NRK: variants seen among roughly 807,000 people sequenced by gnomAD.
NRK encodes the protein Nik related kinase.
Under a neutral mutation model 125.2 loss-of-function variants are expected in NRK, and 67 were observed. The observed-to-expected ratio is 0.54, with a 90% CI of 0.44 to 0.66. NRK has a LOEUF of 0.66. Among genes scored for constraint, NRK ranks in the 30% least tolerant of loss-of-function variants. The pLI is 0.00. For missense variants in NRK, 1,224 were observed against 1,192.9 expected (o/e 1.03, Z -0.38); for synonymous variants, 458 against 429.0 (o/e 1.07, Z -0.84).
At chrX:105,847,042 T>TGA (rs1289313123) in intron 2 of NRK, among the ~76,000 whole-genome samples, 4 of 112,052 alleles carry the variant, frequency 3.6e-5, no homozygotes, top group Non-Finnish European at 7.5e-5. Context: ...AGGTCTGTAA[T>TGA]GAGATATCCC....
chrX:105,836,366 A>G (rs1326825586), intron 2 of NRK, among the ~76,000 whole-genome samples: 1 of 111,884 alleles, frequency 8.9e-6, no homozygotes, highest in Non-Finnish European at 1.9e-5. Context: ...AGATCCAGAG[A>G]TAGAGAACAA....
chrX:105,910,308 C>T (rs2040282093), intron 13 of NRK, among the ~76,000 whole-genome samples: 1 of 111,934 alleles, frequency 8.9e-6, no homozygotes, highest in East Asian at 2.8e-4. Flanking sequence ...CAATAGAATG[C>T]CAAACTATAC....
intron 2 of NRK, 93 bp downstream of exon 2, chrX:105,831,212 T>C (rs1016869758): frequency 1.1e-5 from 6 of 552,610 alleles, no homozygotes; most frequent in African/African-American, 9.2e-5. Context: ...TGCCAAAATA[T>C]GGCATTTCAC....
intron 19 of NRK, among the ~76,000 whole-genome samples, chrX:105,928,086 T>C (rs1341462341): frequency 9.0e-6 from 1 of 111,525 alleles, no homozygotes; most frequent in African/African-American, 3.3e-5. Flanking sequence ...TCTTTAAATC[T>C]TTGGTAGAAT....
intron 15 of NRK, 22 bp downstream of exon 15, chrX:105,915,819 A>T: frequency 1.2e-6 from 1 of 837,644 alleles, no homozygotes; most frequent in Non-Finnish European, 1.8e-6. Context: ...TGATTTCTAT[A>T]TTAAAATTAT....
At chrX:105,831,920 A>G (rs1165908658) in intron 2 of NRK, among the ~76,000 whole-genome samples, 4 of 112,187 alleles carry the variant, frequency 3.6e-5, no homozygotes, top group African/African-American at 9.7e-5. Context: ...AACTATTTAT[A>G]TAGCATTTAC....
intron 7 of NRK, among the ~76,000 whole-genome samples, chrX:105,898,264 C>G (rs992253210): frequency 5.4e-5 from 6 of 111,672 alleles, no homozygotes; most frequent in African/African-American, 2.0e-4. Context: ...GCTTGGTTCC[C>G]AGGTCCAAAC....
At chrX:105,907,650 T>G (rs1355096822) in intron 11 of NRK, 2 of 112,289 alleles carry the variant, frequency 1.8e-5, no homozygotes, top group Non-Finnish European at 3.8e-5. Context: ...GTAGGAAAAG[T>G]TCCATTTATA....
At chrX:105,898,166 C>G (rs1171936247) in intron 7 of NRK, among the ~76,000 whole-genome samples, 3 of 111,716 alleles carry the variant, frequency 2.7e-5, no homozygotes, top group Non-Finnish European at 5.6e-5. Flanking sequence ...GTGATAGAGC[C>G]TTCTCATATC....
chrX:105,840,346 C>G (rs769396541), intron 2 of NRK, among the ~76,000 whole-genome samples: 1 of 111,624 alleles, frequency 9.0e-6, no homozygotes, highest in African/African-American at 3.2e-5. Flanking sequence ...GGAAGTAATT[C>G]AAATTATGTA....
At chrX:105,902,364 T>A (rs928079133) in intron 9 of NRK, among the ~76,000 whole-genome samples, 4 of 111,603 alleles carry the variant, frequency 3.6e-5, no homozygotes, top group African/African-American at 1.3e-4. Flanking sequence ...ACATTTCTCT[T>A]TTACCGGTGT....
At chrX:105,933,160 A>ATGTC (rs1357174254) in intron 19 of NRK, among the ~76,000 whole-genome samples, 2 of 92,930 alleles carry the variant, frequency 2.2e-5, no homozygotes, top group Admixed American at 1.3e-4. Flanking sequence ...GAAAATATCT[A>ATGTC]TGTCTGTCTA....
intron 1 of NRK, among the ~76,000 whole-genome samples, chrX:105,828,778 G>A (rs1312788571): frequency 9.0e-6 from 1 of 111,480 alleles, no homozygotes; most frequent in Non-Finnish European, 1.9e-5. Flanking sequence ...ATCTTTCAAT[G>A]AGTTATAACA....
chrX:105,823,070 G>T (rs772062740), intron 1 of NRK, among the ~76,000 whole-genome samples, 168 bp downstream of exon 1: 3 of 113,250 alleles, frequency 2.6e-5, no homozygotes, highest in African/African-American at 9.6e-5. Flanking sequence ...GCGCCCCCTG[G>T]GCACCGGGAC....
chrX:105,955,685 C>G lies in NRK; in HGVS notation c.*85C>G. 1 of 491,935 alleles carries G rather than the reference C, an allele frequency of 2.0e-6. No individual in the cohort carries two copies. Among genetic ancestry groups the G allele is most frequent in the South Asian group, 3.5e-5 (1 of 28,888 alleles). 40.5% of individuals were successfully genotyped at this position (491,935 alleles called of 1,213,427 possible). The stretch of plus-strand genomic sequence containing the variant: ...AGATTTCAGAGATTAAATGAGTATT[C>G]AGTTTTATTTTTAGTAAAGATTAAA... On this transcript the variant is annotated 3_prime_UTR_variant, in exon 29 of 29. Transcript: ENST00000243300.
intron 14 of NRK, among the ~76,000 whole-genome samples, chrX:105,915,166 A>T (rs2147756178): frequency 9.0e-6 from 1 of 110,744 alleles, no homozygotes; most frequent in Admixed American, 9.8e-5. Flanking sequence ...ATTGTAAAGC[A>T]GAAAAACATA....
At chrX:105,893,742 A>G (rs2040044505) in intron 5 of NRK, 90 bp from the exon 6 acceptor site, 23 of 541,024 alleles carry the variant, frequency 4.3e-5, no homozygotes, top group Non-Finnish European at 5.7e-5. Flanking sequence ...TAAACATTAC[A>G]TATAGATACA....
At chrX:105,878,558 C>A (rs1337064855) in intron 2 of NRK, among the ~76,000 whole-genome samples, 1 of 111,747 alleles carries the variant, frequency 8.9e-6, no homozygotes, top group Non-Finnish European at 1.9e-5. Flanking sequence ...TTGATCCTTA[C>A]AAACTCTGCC....
intron 2 of NRK, among the ~76,000 whole-genome samples, chrX:105,869,237 G>A: frequency 9.0e-6 from 1 of 111,400 alleles, no homozygotes; most frequent in East Asian, 2.8e-4. Context: ...CAACTTAGGG[G>A]CTACAATGAG....
Sources: gnomAD v4.1 joint callset for allele counts (sites outside exome capture counted in the v4.1 genomes callset) on GRCh38, gnomAD v4.1.1 for gene constraint, MANE v1.5 for transcripts, NCBI Gene and HGNC (gene_info 2026-07-23, HGNC 2026-07-21) for gene names.